ROPN1L: variants seen among roughly 807,000 people sequenced by gnomAD.
ROPN1L encodes ropporin-1-like protein.
ROPN1L carries 23 observed loss-of-function variants against 22.7 expected under a neutral mutation model. The observed-to-expected ratio is 1.01, with a 90% CI of 0.73 to 1.43. The LOEUF (loss-of-function observed/expected upper bound fraction) is 1.43. Among genes scored for constraint, ROPN1L ranks in the 40% most tolerant of loss-of-function variants. ROPN1L has a pLI of 0.00. For missense variants in ROPN1L, 271 were observed against 291.5 expected, an observed-to-expected ratio of 0.93 and a Z score of 0.51; for synonymous variants, 116 against 117.8, an observed-to-expected ratio of 0.98 and a Z score of 0.10.
chr5:10,469,208 G>A (rs576308360), downstream of ROPN1L, among the ~76,000 whole-genome samples: 1 of 151,752 alleles, frequency 6.6e-6, no homozygotes, highest in African/African-American at 2.4e-5. Context: ...TGGCACTGTG[G>A]CTCATGCCTT....
chr5:10,453,029 G>A (rs140352046), intron 3 of ROPN1L, among the ~76,000 whole-genome samples: 39 of 152,304 alleles, frequency 2.6e-4, no homozygotes, highest in African/African-American at 7.5e-4. Context: ...GCATCACTGC[G>A]GGTTCCTGCC....
chr5:10,472,053 A>G (rs2126483510), downstream of ROPN1L: 1 of 152,378 alleles, frequency 6.6e-6, no homozygotes, highest in East Asian at 1.9e-4. Flanking sequence ...ACATATTCAT[A>G]TGCATGCTCA....
intron 4 of ROPN1L, among the ~76,000 whole-genome samples, chr5:10,471,359 GCTGGTCACAAA>G (rs931510775): frequency 2.4e-4 from 37 of 151,934 alleles, no homozygotes; most frequent in Non-Finnish European, 4.9e-4. Context: ...TGTTGGCCAG[GCTGGTCACAAA>G]CTCCTGACCT....
At chr5:10,456,844 C>T (rs1561173262) in intron 3 of ROPN1L, among the ~76,000 whole-genome samples, 1 of 152,112 alleles carries the variant, frequency 6.6e-6, no homozygotes, top group African/African-American at 2.4e-5. Context: ...CCTTAAATAC[C>T]GCTTCCTCTG....
intron 1 of ROPN1L, among the ~76,000 whole-genome samples, 200 bp downstream of exon 1, chr5:10,442,498 C>A (rs1740918748): frequency 6.6e-6 from 1 of 152,214 alleles, no homozygotes; most frequent in Admixed American, 6.5e-5. Flanking sequence ...GACTATGAGA[C>A]CCGAAATCAT....
rs192241378 is a variant in ROPN1L at position 10,464,774 on chromosome 5, C to A, written c.594-74C>A. ...TAAAAGTAGACCTTTTAAATTATAT[C>A]GCATTTTATAAAAATGTTACTAAGT... On this transcript the variant is annotated intron_variant, in intron 4 of 4. Transcript: ENST00000274134. The A allele has an allele frequency of 4.7e-4, 387 of 817,734 alleles. No homozygotes were observed. In the African/African-American group the frequency reaches 6.3e-3, roughly 13 times the overall value. The allele number at this position is 817,734 out of a possible 1,614,324, so 50.7% of individuals were successfully genotyped here. A position where few individuals can be genotyped will look rare whatever the true frequency, so the allele number is the denominator to read the frequency against.
At chr5:10,453,903 T>G (rs796951231) in intron 3 of ROPN1L, among the ~76,000 whole-genome samples, 1 of 152,164 alleles carries the variant, frequency 6.6e-6, no homozygotes, top group Non-Finnish European at 1.5e-5. Flanking sequence ...ATCACCAGAC[T>G]CTTGGAGCTG....
At position 10,454,397 on chromosome 5, in the gene ROPN1L, T is replaced by C. The variant is rs1579649216; in HGVS notation, c.417+4284T>C. On this transcript the variant is annotated intron_variant, in intron 3 of 4. Transcript: ENST00000274134. ...CTTGGCCTCCCAAAGTTCTGAGATTTATAGGTACAAGCCACAGAGCCTGGC... is the reference window on the plus strand; with the variant it reads ...CTTGGCCTCCCAAAGTTCTGAGATTCATAGGTACAAGCCACAGAGCCTGGC... Among the ~76,000 whole-genome samples, 4 of 152,344 alleles carry C rather than the reference T, an allele frequency of 2.6e-5. 1 individual carries two copies. Among genetic ancestry groups the C allele is most frequent in the Admixed American group, 2.6e-4 (4 of 15,302 alleles).
Position 10,442,044 on chromosome 5 carries a change from A to C in ROPN1L, c.-124A>C. The C allele has an allele frequency of 7.4e-7, 1 of 1,356,710 alleles. No homozygotes were observed. Among genetic ancestry groups the C allele is most frequent in the East Asian group, 2.3e-5 (1 of 42,644 alleles). The allele number at this position is 1,356,710 out of a possible 1,614,324, so 84.0% of individuals were successfully genotyped here. On this transcript the variant is annotated 5_prime_UTR_variant, in exon 1 of 5. An upstream start codon of the reference 5' UTR is lost. Coordinates refer to ENST00000274134, the MANE Select transcript of ROPN1L (RefSeq NM_031916.5). Reference sequence around the variant, plus strand: ...ATCCGGCCCCAACCTCGGGAACGGGATGGGAGGCGGCCCTGGCCGCAAGCC... The same window carrying C: ...ATCCGGCCCCAACCTCGGGAACGGGCTGGGAGGCGGCCCTGGCCGCAAGCC...
chr5:10,462,410 G>T (rs993294951), intron 4 of ROPN1L, among the ~76,000 whole-genome samples: 4 of 152,238 alleles, frequency 2.6e-5, no homozygotes, highest in Non-Finnish European at 4.4e-5. Context: ...AAGGCCATCA[G>T]CGAAAGCAAG....
the ROPN1L span, among the ~76,000 whole-genome samples, chr5:10,479,160 C>T: frequency 6.6e-6 from 1 of 152,158 alleles, no homozygotes; most frequent in Non-Finnish European, 1.5e-5. Flanking sequence ...ATAAATTAGT[C>T]ACTTTGGAGT....
At chr5:10,449,130 T>C (rs1189566429) in intron 2 of ROPN1L, among the ~76,000 whole-genome samples, 3 of 152,246 alleles carry the variant, frequency 2.0e-5, no homozygotes, top group Non-Finnish European at 4.4e-5. Context: ...ATGGTGTAGC[T>C]TGCGAAAAGA....
downstream of ROPN1L, among the ~76,000 whole-genome samples, chr5:10,467,103 T>C (rs1324667776): frequency 1.3e-5 from 2 of 152,162 alleles, no homozygotes; most frequent in Non-Finnish European, 2.9e-5. Context: ...GGGTTCCGAC[T>C]TCACCTTGTC....
the ROPN1L span, chr5:10,482,302 A>G: frequency 6.6e-6 from 1 of 152,118 alleles, no homozygotes; most frequent in African/African-American, 2.4e-5. Context: ...AACAAAACAA[A>G]ACGAAAACCG....
In ROPN1L at chr5:10,442,180, G is replaced by A. The variant is rs1195710577; in HGVS notation, c.13G>A (p.Asp5Asn). The A allele has an allele frequency of 2.5e-6, 4 of 1,613,398 alleles. No individual in the cohort carries two copies. In the Admixed American group the frequency reaches 5.0e-5, roughly 20 times the overall value. ...TCTGCGGAGAGCGATGCCGCTTCCC[G>A]ACACCATGTTCTGCGCTCAGCAGAT... MPLP[D>N]TMFCAQQIHI... Residue 5 changes from aspartate to asparagine, a missense_variant, in exon 1 of 5, where the codon GAC becomes AAC. Physicochemically the swap from Asp to Asn is conservative, Grantham distance 23 (BLOSUM62 1). Coordinates refer to ENST00000274134, the MANE Select transcript of ROPN1L (RefSeq NM_031916.5).
downstream of ROPN1L, among the ~76,000 whole-genome samples, chr5:10,472,947 G>A (rs1051070333): frequency 3.3e-5 from 5 of 152,150 alleles, no homozygotes; most frequent in African/African-American, 1.2e-4. Flanking sequence ...ACACTAACGG[G>A]GTGAGGAGGA....
chr5:10,448,787 G>C (rs1452891730), intron 2 of ROPN1L, among the ~76,000 whole-genome samples: 1 of 152,224 alleles, frequency 6.6e-6, no homozygotes, highest in Non-Finnish European at 1.5e-5. Flanking sequence ...TGCCTTCTCT[G>C]TCTGGAAGGC....
intron 3 of ROPN1L, among the ~76,000 whole-genome samples, chr5:10,457,491 C>G (rs1264860537): frequency 6.6e-6 from 1 of 152,242 alleles, no homozygotes; most frequent in Non-Finnish European, 1.5e-5. Flanking sequence ...GGCTGTGCTC[C>G]AGTCCTGGCT....
At chr5:10,461,158 TC>T (rs747870709) in intron 3 of ROPN1L, 25 bp from the exon 4 acceptor site, 1 of 1,596,430 alleles carries the variant, frequency 6.3e-7, no homozygotes. Flanking sequence ...ACTGTTTTTC[TC>T]CCCACCTGGC....
Sources: gnomAD v4.1 joint callset for allele counts (sites outside exome capture counted in the v4.1 genomes callset) on GRCh38, gnomAD v4.1.1 for gene constraint, MANE v1.5 for transcripts, NCBI Gene and HGNC (gene_info 2026-07-23, HGNC 2026-07-21) for gene names.